Variants in MTMR2 observed in about 807,000 individuals in gnomAD.
MTMR2 encodes myotubularin related protein 2, also known as phosphatidylinositol-3,5-bisphosphate 3-phosphatase MTMR2.
A neutral mutation model predicts 86.9 loss-of-function variants in MTMR2; 55 were observed. That is an observed-to-expected ratio of 0.63 (90% CI 0.51 to 0.79). The LOEUF (loss-of-function observed/expected upper bound fraction) is 0.79. Ranked by LOEUF, MTMR2 falls within the 30% of genes least tolerant of loss-of-function variation. The pLI is 0.00. For synonymous variants in MTMR2, 241 were observed against 266.8 expected (o/e 0.90, Z 0.94); for missense variants, 659 against 772.3 (o/e 0.85, Z 1.74).
intron 8 of MTMR2, 119 bp from the exon 9 acceptor site, chr11:95,849,981 C>A: frequency 1.1e-6 from 1 of 922,646 alleles, no homozygotes; most frequent in South Asian, 1.5e-5. Context: ...CATGAAAGGA[C>A]ATCTGAGGCT....
At chr11:95,857,953 A>T (rs1434181054) in intron 6 of MTMR2, among the ~76,000 whole-genome samples, 3 of 152,104 alleles carry the variant, frequency 2.0e-5, no homozygotes, top group African/African-American at 7.2e-5. Context: ...TTTAAACACA[A>T]CTATGATGTG....
At chr11:95,858,297 A>G (rs1349982096) in intron 6 of MTMR2, among the ~76,000 whole-genome samples, 1 of 152,176 alleles carries the variant, frequency 6.6e-6, no homozygotes, top group East Asian at 1.9e-4. Context: ...TAGCAAGATC[A>G]TATAATCATA....
chr11:95,875,050 T>C (rs1865051591), intron 2 of MTMR2, among the ~76,000 whole-genome samples: 1 of 152,174 alleles, frequency 6.6e-6, no homozygotes, highest in Non-Finnish European at 1.5e-5. Flanking sequence ...ATTTCAACTT[T>C]GGTGAATCTG....
intron 2 of MTMR2, among the ~76,000 whole-genome samples, chr11:95,877,363 T>TTTTTTTTTTTTTTA (rs869076328): frequency 7.0e-6 from 1 of 142,690 alleles, no homozygotes; most frequent in African/African-American, 2.7e-5. Context: ...TTTTTTTTTT[T>TTTTTTTTTTTTTTA]ATATAACACA....
At chr11:95,862,479 G>T in intron 3 of MTMR2, 113 bp from the exon 4 acceptor site, 1 of 843,426 alleles carries the variant, frequency 1.2e-6, no homozygotes, top group Non-Finnish European at 2.0e-6. Flanking sequence ...AAAAATAACA[G>T]AACCAGTAAT....
At position 95,838,176 on chromosome 11, in the gene MTMR2, A is replaced by G. The variant is rs1221811087; in HGVS notation, c.1511T>C (p.Phe504Ser). The change falls in exon 13 of 15, where the codon TTT (phenylalanine) becomes TCT (serine). Residue 504 changes from phenylalanine to serine, a missense_variant. Around this residue, in one of 3 missense-constraint regions of MTMR2, gnomAD observed 193 missense variants for 191.6 expected, o/e 1.01. Transcript: ENST00000346299. The part of the protein sequence containing the change: ...FPTAFEFNEY[F>S]LITILDHLYS... ...TAGGTGGTCCAAAATGGTAATGAGA[A>G]AATACTCATTGAATTCAAATGCGGT... 6 of 1,609,002 alleles carry G rather than the reference A, an allele frequency of 3.7e-6. No homozygotes were observed. Among genetic ancestry groups the G allele is most frequent in the Non-Finnish European group, 5.1e-6 (6 of 1,175,762 alleles).
intron 2 of MTMR2, among the ~76,000 whole-genome samples, chr11:95,879,743 A>G (rs77498372): frequency 6.6e-6 from 1 of 152,272 alleles, no homozygotes; most frequent in African/African-American, 2.4e-5. Context: ...CACATATTCA[A>G]TAGTAAACAT....
chr11:95,889,765 T>C (rs1281640173), intron 1 of MTMR2, among the ~76,000 whole-genome samples: 2 of 152,208 alleles, frequency 1.3e-5, no homozygotes, highest in African/African-American at 4.8e-5. Flanking sequence ...ACAAATTGAA[T>C]AACTGATATC....
At chr11:95,851,571 A>T (rs1415675869) in intron 7 of MTMR2, among the ~76,000 whole-genome samples, 2 of 152,100 alleles carry the variant, frequency 1.3e-5, no homozygotes, top group Admixed American at 6.5e-5. Flanking sequence ...CATGTTGGTC[A>T]GGCTGGTTGC....
intron 3 of MTMR2, 37 bp downstream of exon 3, chr11:95,865,564 C>A (rs111578224): frequency 6.5e-7 from 1 of 1,541,958 alleles, no homozygotes; most frequent in African/African-American, 1.4e-5. Flanking sequence ...CACAGTAGAA[C>A]GGAGAAGGAC....
At chr11:95,836,845 G>GTT (rs887159043) in intron 13 of MTMR2, among the ~76,000 whole-genome samples, 2 of 151,954 alleles carry the variant, frequency 1.3e-5, no homozygotes, top group African/African-American at 4.8e-5. Flanking sequence ...AAACATTAGT[G>GTT]TTTGGCAGGG....
chr11:95,867,279 C>A (rs1353622073), intron 2 of MTMR2, among the ~76,000 whole-genome samples: 1 of 152,180 alleles, frequency 6.6e-6, no homozygotes, highest in Non-Finnish European at 1.5e-5. Flanking sequence ...TGTATACCTT[C>A]TTGTGGCTGC....
chr11:95,924,105 T>G lies in MTMR2; in HGVS notation c.-151A>C. The G allele has an allele frequency of 4.1e-6, 4 of 971,464 alleles. No individual in the cohort carries two copies. The highest frequency in any genetic ancestry group is 6.3e-6 in the Non-Finnish European group (4 of 634,442). 60.2% of individuals were successfully genotyped at this position (971,464 alleles called of 1,614,324 possible). On this transcript the variant is annotated 5_prime_UTR_variant, in exon 1 of 15. Coordinates refer to ENST00000346299, the MANE Select transcript of MTMR2 (RefSeq NM_016156.6). ...CGGAAGCGGCCATGTTCCCCCAGAGTGCACCGCGCCTGTAGGCTGCTGGGC... is the reference window on the plus strand; with the variant it reads ...CGGAAGCGGCCATGTTCCCCCAGAGGGCACCGCGCCTGTAGGCTGCTGGGC...
intron 3 of MTMR2, 112 bp downstream of exon 3, chr11:95,865,489 G>T: frequency 3.0e-6 from 3 of 991,886 alleles, no homozygotes; most frequent in African/African-American, 1.6e-5. Flanking sequence ...AAAGAGTTCT[G>T]CCAGACAGGA....
chr11:95,898,340 G>C (rs1327157959), intron 1 of MTMR2, among the ~76,000 whole-genome samples: 2 of 151,452 alleles, frequency 1.3e-5, no homozygotes, highest in South Asian at 4.2e-4. Context: ...TATTATTTTG[G>C]TTATCCCATT....
chr11:95,862,544 G>C (rs1864464801), intron 3 of MTMR2, among the ~76,000 whole-genome samples, 178 bp from the exon 4 acceptor site: 3 of 152,136 alleles, frequency 2.0e-5, no homozygotes. Context: ...ACTAATCTGG[G>C]GAAGAAACAC....
intron 1 of MTMR2, among the ~76,000 whole-genome samples, chr11:95,922,354 T>C (rs1278888868): frequency 1.3e-5 from 2 of 152,326 alleles, no homozygotes; most frequent in South Asian, 4.1e-4. Flanking sequence ...TGAGGCATAG[T>C]TGTCATTTGT....
Position 95,849,697 on chromosome 11 carries a change from T to C in MTMR2, c.970A>G (p.Ser324Gly). ...ACCTTGTTGGCAACAGCATTAACACTTGGCCGGGCATCAAATATAAAGATT... is the reference window on the plus strand; with the variant it reads ...ACCTTGTTGGCAACAGCATTAACACCTGGCCGGGCATCAAATATAAAGATT... ...HKIFIFDARPSVNAVANKAKG... is the reference protein window; with the variant it reads ...HKIFIFDARPGVNAVANKAKG... The change falls in exon 9 of 15, where the codon AGT (serine) becomes GGT (glycine). Residue 324 changes from serine (S) to glycine (G), a missense_variant. Physicochemically the swap from Ser to Gly is moderately conservative, Grantham distance 56. Coordinates refer to ENST00000346299, the MANE Select transcript of MTMR2 (RefSeq NM_016156.6). The C allele has an allele frequency of 6.2e-7, 1 of 1,614,116 alleles. No individual in the cohort carries two copies. Among genetic ancestry groups the C allele is most frequent in the Non-Finnish European group, 8.5e-7 (1 of 1,179,968 alleles).
chr11:95,905,396 C>G (rs1866233583), intron 1 of MTMR2, among the ~76,000 whole-genome samples: 1 of 150,384 alleles, frequency 6.6e-6, no homozygotes, highest in East Asian at 2.0e-4. Context: ...TGCTTAAAAA[C>G]AAAAATGCAG....
Sources: allele counts gnomAD v4.1 joint callset (sites outside exome capture counted in the v4.1 genomes callset), GRCh38; gene constraint gnomAD v4.1.1; regional missense constraint gnomAD v4.1.1; transcripts MANE v1.5; gene names NCBI Gene and HGNC (gene_info 2026-07-23, HGNC 2026-07-21).